The following GRM1 variants were observed in gnomAD, a reference collection of about 807,000 sequenced individuals.
GRM1 encodes glutamate metabotropic receptor 1.
A neutral mutation model predicts 90.9 loss-of-function variants in GRM1; 33 were observed. The ratio of observed to expected loss-of-function variants is 0.36; its 90% CI spans 0.28 to 0.49. GRM1 has a LOEUF of 0.49. GRM1 is among the 20% of genes least tolerant of loss of function. The pLI is 0.99. For missense variants in GRM1, 1,190 were observed against 1,534.3 expected (o/e 0.78, Z 3.75); for synonymous variants, 700 against 613.2 (o/e 1.14, Z -2.09).
intron 2 of GRM1, among the ~76,000 whole-genome samples, chr6:146,247,946 A>G (rs1781130729): frequency 6.6e-6 from 1 of 151,136 alleles, no homozygotes; most frequent in Non-Finnish European, 1.5e-5. Flanking sequence ...AAATCAGCCT[A>G]CATTTTAGAG....
intron 5 of GRM1, among the ~76,000 whole-genome samples, chr6:146,364,017 C>T (rs1012368294): frequency 6.6e-6 from 1 of 152,150 alleles, no homozygotes; most frequent in Non-Finnish European, 1.5e-5. Context: ...ACGACGCATC[C>T]GCTTCTACCT....
At chr6:146,097,638 A>G (rs1436063807) in intron 1 of GRM1, among the ~76,000 whole-genome samples, 6 of 152,082 alleles carry the variant, frequency 3.9e-5, no homozygotes, top group Non-Finnish European at 5.9e-5. Flanking sequence ...CCCCCCCTAC[A>G]TTTTCCACAA....
intron 7 of GRM1, among the ~76,000 whole-genome samples, chr6:146,405,905 A>G (rs1777330358): frequency 6.6e-6 from 1 of 152,206 alleles, no homozygotes. Flanking sequence ...TTGAGGTCTT[A>G]TCCTTGGAAT....
intron 7 of GRM1, among the ~76,000 whole-genome samples, chr6:146,429,489 A>C (rs928198173): frequency 6.6e-6 from 1 of 152,220 alleles, no homozygotes; most frequent in Non-Finnish European, 1.5e-5. Flanking sequence ...GTCTGATACA[A>C]CTGGTGTCAA....
At chr6:146,277,253 T>C (rs1250977341) in intron 2 of GRM1, among the ~76,000 whole-genome samples, 1 of 152,222 alleles carries the variant, frequency 6.6e-6, no homozygotes, top group East Asian at 1.9e-4. Context: ...AACTCTGGGT[T>C]GCTCAAACCC....
intron 1 of GRM1, among the ~76,000 whole-genome samples, chr6:146,150,886 C>G (rs1053528119): frequency 5.3e-5 from 8 of 151,804 alleles, no homozygotes; most frequent in African/African-American, 1.5e-4. Context: ...ACAGGTTTCA[C>G]TATTTATTGG....
chr6:146,434,512 G>C lies in GRM1; in HGVS notation c.3301G>C (p.Glu1101Gln). 1 of 1,614,122 alleles carries C rather than the reference G, an allele frequency of 6.2e-7. No homozygotes were observed. The highest frequency in any genetic ancestry group is 8.5e-7 in the Non-Finnish European group (1 of 1,180,014). ...SPPADDDDDSERFKLLQEYVY... is the reference protein window; with the variant it reads ...SPPADDDDDSQRFKLLQEYVY... ...GCCCGCGGACGACGACGACGACAGC[G>C]AGAGGTTTAAGCTCCTCCAGGAGTA... The change falls in exon 8 of 8, where the codon GAG (glutamate) becomes CAG (glutamine). Residue 1101 changes from glutamate (E) to glutamine (Q), a missense_variant. Physicochemically the swap from Glu to Gln is conservative, Grantham distance 29. Around this residue, in one of 10 missense-constraint regions of GRM1, gnomAD observed 400 missense variants for 360.8 expected, o/e 1.11. Coordinates refer to ENST00000282753, the MANE Select transcript of GRM1 (RefSeq NM_001278064.2).
chr6:146,309,843 A>G (rs1230399649), intron 3 of GRM1, among the ~76,000 whole-genome samples: 1 of 152,226 alleles, frequency 6.6e-6, no homozygotes, highest in East Asian at 1.9e-4. Flanking sequence ...TAAAAATATA[A>G]ACTGCATTTT....
chr6:146,424,526 C>T lies in GRM1; in HGVS notation c.2661-9346C>T, dbSNP rs111487831. Among the ~76,000 whole-genome samples, 1,021 of 152,300 alleles carry T rather than the reference C, an allele frequency of 6.7e-3. 14 individuals are homozygous for T. Among genetic ancestry groups the T allele is most frequent in the Middle Eastern group, 0.031 (9 of 294 alleles). ...AATCTCCCAGCGCATGCTCTATTTCCCCATTGACCATCACTTGCAAAACAC... is the reference window on the plus strand; with the variant it reads ...AATCTCCCAGCGCATGCTCTATTTCTCCATTGACCATCACTTGCAAAACAC... On this transcript the variant is annotated intron_variant, in intron 7 of 7. Coordinates refer to ENST00000282753, the MANE Select transcript of GRM1 (RefSeq NM_001278064.2).
chr6:146,286,529 A>G (rs1782771277), intron 2 of GRM1, among the ~76,000 whole-genome samples: 1 of 152,212 alleles, frequency 6.6e-6, no homozygotes, highest in Admixed American at 6.5e-5. Context: ...AGTAACTGCA[A>G]GTTCTTAAAT....
At chr6:146,184,832 G>T (rs1336284256) in intron 2 of GRM1, among the ~76,000 whole-genome samples, 1 of 152,136 alleles carries the variant, frequency 6.6e-6, no homozygotes, top group Non-Finnish European at 1.5e-5. Flanking sequence ...CATAGAGACA[G>T]GAAAGGAATG....
chr6:146,247,106 CTCT>C (rs1424247031), intron 2 of GRM1, among the ~76,000 whole-genome samples: 2 of 152,218 alleles, frequency 1.3e-5, no homozygotes, highest in South Asian at 2.1e-4. Flanking sequence ...AGGCCAGTTT[CTCT>C]TCTTCTTCAG....
At chr6:146,403,755 G>A (rs141686811) in intron 7 of GRM1, among the ~76,000 whole-genome samples, 51 of 152,184 alleles carry the variant, frequency 3.4e-4, no homozygotes, top group African/African-American at 1.0e-3. Flanking sequence ...TGGAAGTGGC[G>A]TGTTCTCCTC....
At chr6:146,421,796 A>C (rs1400449203) in intron 7 of GRM1, among the ~76,000 whole-genome samples, 2 of 152,278 alleles carry the variant, frequency 1.3e-5, no homozygotes, top group East Asian at 3.9e-4. Context: ...TTTAATATAC[A>C]TGCATGCGTT....
chr6:146,138,426 A>AT (rs201708701), intron 1 of GRM1, among the ~76,000 whole-genome samples: 6,517 of 152,086 alleles, frequency 0.043, 175 homozygotes, highest in Admixed American at 0.061. Flanking sequence ...CTCCTCCTCT[A>AT]TTTTTTGTAA....
chr6:146,433,783 A>T, intron 7 of GRM1, 89 bp from the exon 8 acceptor site: 1 of 938,902 alleles, frequency 1.1e-6, no homozygotes. Context: ...GTTAAATCAC[A>T]CTGAGCTAGG....
chr6:146,252,376 G>T (rs561345138), intron 2 of GRM1, among the ~76,000 whole-genome samples: 2 of 152,184 alleles, frequency 1.3e-5, no homozygotes, highest in African/African-American at 4.8e-5. Flanking sequence ...GGTGGCTCAC[G>T]CCTGTAATCC....
intron 7 of GRM1, among the ~76,000 whole-genome samples, chr6:146,414,016 A>G (rs1021608910): frequency 2.6e-5 from 4 of 152,218 alleles, no homozygotes; most frequent in African/African-American, 9.6e-5. Flanking sequence ...ATCAACATAC[A>G]TACACAAGAT....
chr6:146,426,611 C>G (rs1778221816), intron 7 of GRM1: 1 of 1,599,046 alleles, frequency 6.3e-7, no homozygotes, highest in African/African-American at 1.3e-5. Flanking sequence ...GGCACATGTG[C>G]AGCTTTGAAA....
Sources: gnomAD v4.1 joint callset for allele counts (sites outside exome capture counted in the v4.1 genomes callset) on GRCh38, gnomAD v4.1.1 for gene constraint, gnomAD v4.1.1 regional missense constraint, MANE v1.5 for transcripts, NCBI Gene and HGNC (gene_info 2026-07-23, HGNC 2026-07-21) for gene names.